The following ATG7 variants were observed in gnomAD, a reference collection of about 807,000 sequenced individuals.
The protein encoded by ATG7 is autophagy related 7, also known as ubiquitin-like modifier-activating enzyme ATG7.
A neutral mutation model predicts 82.4 loss-of-function variants in ATG7; 70 were observed. The ratio of observed to expected loss-of-function variants is 0.85; its 90% CI spans 0.70 to 1.04. The LOEUF (loss-of-function observed/expected upper bound fraction) is 1.04. Ranked by LOEUF, ATG7 falls within the 50% of genes least tolerant of loss-of-function variation. The pLI, the probability that ATG7 is intolerant of heterozygous loss-of-function variation, is 0.00. For synonymous variants in ATG7, 287 were observed against 313.0 expected, an observed-to-expected ratio of 0.92 and a Z score of 0.88; for missense variants, 792 against 864.3, an observed-to-expected ratio of 0.92 and a Z score of 1.05.
downstream of ATG7, chr3:11,559,272 G>C (rs907127310): frequency 1.4e-6 from 2 of 1,472,662 alleles, no homozygotes; most frequent in African/African-American, 2.8e-5. Flanking sequence ...CAGCATGACA[G>C]AGAAGGGCTC....
rs541828237 is a variant in ATG7, at chr3:11,310,638, T to G, written c.411+1577T>G. Among the ~76,000 whole-genome samples, 33 of 151,918 alleles carry G rather than the reference T, an allele frequency of 2.2e-4. 1 individual carries two copies. The Middle Eastern group carries it at 0.01, about 47-fold the overall frequency. The stretch of plus-strand genomic sequence containing the variant: ...ATACGTTTGGGTAATTCTGTAGTTT[T>G]TTTTTTTTTTTTGAGACGGAGTCTC... On this transcript the variant is annotated intron_variant, in intron 7 of 20. Transcript: ENST00000693202.
downstream of ATG7, among the ~76,000 whole-genome samples, chr3:11,562,159 AGGG>A (rs2073080802): frequency 6.6e-6 from 1 of 151,950 alleles, no homozygotes. Flanking sequence ...AACCCCCCAA[AGGG>A]CTGGGATTAC....
chr3:11,438,798 C>G (rs1480785015), intron 20 of ATG7, among the ~76,000 whole-genome samples: 1 of 152,082 alleles, frequency 6.6e-6, no homozygotes. Flanking sequence ...TCTTGGAGAT[C>G]AGGAAGTGGA....
At chr3:11,454,436 G>A (rs546914208) in intron 20 of ATG7, among the ~76,000 whole-genome samples, 1 of 152,376 alleles carries the variant, frequency 6.6e-6, no homozygotes, top group East Asian at 1.9e-4. Flanking sequence ...GACGGCATGA[G>A]TCTGGGCTGG....
In ATG7 at chr3:11,431,556, CCCT is replaced by C. The variant is rs2082893168; in HGVS notation, c.2079+4637_2079+4639del. Among the ~76,000 whole-genome samples the C allele has an allele frequency of 2.0e-5, 3 of 152,158 alleles. No homozygotes were observed. The South Asian group carries it at 6.2e-4, about 31-fold the overall frequency. Reference sequence around the variant, plus strand: ...ACCTATTAAAAGGTCACTCCCTGTTCCCTCCTCCTTCCAGCCCCTGGCAACCAC... The same window carrying C: ...ACCTATTAAAAGGTCACTCCCTGTTCCCTCCTTCCAGCCCCTGGCAACCAC... On this transcript the variant is annotated intron_variant, in intron 20 of 20. Transcript: ENST00000693202.
the ATG7 span, among the ~76,000 whole-genome samples, chr3:11,567,174 G>C: frequency 6.6e-6 from 1 of 152,120 alleles, no homozygotes; most frequent in Non-Finnish European, 1.5e-5. Context: ...GAGGCGTTCC[G>C]AGCCTCGGCG....
chr3:11,563,500 A>G, the ATG7 span, among the ~76,000 whole-genome samples: 1 of 152,252 alleles, frequency 6.6e-6, no homozygotes, highest in African/African-American at 2.4e-5. Context: ...CATTTCCCCA[A>G]TTAGACTGGG....
At chr3:11,389,323 A>T (rs186359172) in intron 19 of ATG7, among the ~76,000 whole-genome samples, 1 of 151,450 alleles carries the variant, frequency 6.6e-6, no homozygotes, top group South Asian at 2.1e-4. Context: ...TTCATATAAC[A>T]TGTTATACTG....
chr3:11,444,773 A>G (rs1400012009), intron 20 of ATG7, among the ~76,000 whole-genome samples: 4 of 152,232 alleles, frequency 2.6e-5, no homozygotes. Context: ...ATCAGTAAAT[A>G]GATAATCTAC....
chr3:11,426,536 T>G (rs2082380197), intron 19 of ATG7, among the ~76,000 whole-genome samples: 1 of 152,166 alleles, frequency 6.6e-6, no homozygotes, highest in African/African-American at 2.4e-5. Context: ...TCCTAACTTT[T>G]CTAGAATTTT....
rs977773412 is a variant in ATG7, at chr3:11,505,896, T to C, written c.2080-48915T>C. ...AAAGGTACACAGTGCAGTGGTAACA[T>C]CTGGAATTGACCCCTGGCTCCACCA... On this transcript the variant is annotated intron_variant, in intron 20 of 20. Transcript: ENST00000693202. Among the ~76,000 whole-genome samples the C allele has an allele frequency of 2.0e-5, 3 of 152,302 alleles. No homozygotes were observed. The South Asian group carries it at 6.2e-4, about 32-fold the overall frequency.
At chr3:11,343,048 C>G (rs1953919804) in intron 13 of ATG7, among the ~76,000 whole-genome samples, 1 of 151,998 alleles carries the variant, frequency 6.6e-6, no homozygotes, top group African/African-American at 2.4e-5. Context: ...CCTGCCTCAA[C>G]TTCCCGAGTA....
intron 11 of ATG7, among the ~76,000 whole-genome samples, chr3:11,339,925 T>C (rs1042178787): frequency 3.9e-5 from 6 of 152,174 alleles, no homozygotes; most frequent in Non-Finnish European, 5.9e-5. Context: ...GATATAAGTA[T>C]AGAAGCATTT....
At chr3:11,315,225 G>A in intron 8 of ATG7, 119 bp from the exon 9 acceptor site, 2 of 890,384 alleles carry the variant, frequency 2.2e-6, no homozygotes, top group Non-Finnish European at 3.2e-6. Flanking sequence ...AGAGTAAGAG[G>A]AGTGTGATCA....
chr3:11,444,093 T>C (rs1233785930), intron 20 of ATG7, among the ~76,000 whole-genome samples: 1 of 152,236 alleles, frequency 6.6e-6, no homozygotes, highest in Non-Finnish European at 1.5e-5. Context: ...ATGTAGATTC[T>C]TTCGTGTCTT....
At chr3:11,298,334 A>G (rs2152689580) in intron 3 of ATG7, among the ~76,000 whole-genome samples, 1 of 152,360 alleles carries the variant, frequency 6.6e-6, no homozygotes, top group African/African-American at 2.4e-5. Context: ...AAACCTGTAT[A>G]GACAGAAAGT....
rs538559232 is a variant in ATG7 at position 11,371,832 on chromosome 3, A to G, written c.1875+7098A>G. Among the ~76,000 whole-genome samples, 19 of 151,274 alleles carry G rather than the reference A, an allele frequency of 1.3e-4. 1 individual carries two copies. The South Asian group carries it at 3.6e-3, about 28-fold the overall frequency. ...GTTGTGTTTCTAAAAGACCCTTGGC[A>G]CCTTGTTCCCAGTGCACATCTGCAG... On this transcript the variant is annotated intron_variant, in intron 18 of 20. Transcript: ENST00000693202.
At chr3:11,318,793 T>A (rs1210170980) in intron 9 of ATG7, among the ~76,000 whole-genome samples, 3 of 151,940 alleles carry the variant, frequency 2.0e-5, no homozygotes, top group African/African-American at 7.2e-5. Flanking sequence ...TTCCCCCATC[T>A]CTCTGCCTGC....
chr3:11,402,764 T>A (rs1402708280), intron 19 of ATG7, among the ~76,000 whole-genome samples: 1 of 152,230 alleles, frequency 6.6e-6, no homozygotes, highest in Non-Finnish European at 1.5e-5. Context: ...GGTCTTTTTA[T>A]ATTAATATAA....
Sources: gnomAD v4.1 joint callset for allele counts (sites outside exome capture counted in the v4.1 genomes callset) on GRCh38, gnomAD v4.1.1 for gene constraint, MANE v1.5 for transcripts, NCBI Gene and HGNC (gene_info 2026-07-23, HGNC 2026-07-21) for gene names.